Variants in TNFAIP8 observed in about 807,000 individuals in gnomAD.
TNFAIP8 encodes tumor necrosis factor alpha-induced protein 8.
In TNFAIP8, 7 loss-of-function variants were observed where a neutral mutation model predicts 13.3. The ratio of observed to expected loss-of-function variants is 0.52; its 90% CI spans 0.30 to 0.99. The LOEUF (loss-of-function observed/expected upper bound fraction) is 0.99, where lower values mean the gene tolerates loss of function less well. TNFAIP8 is among the 50% of genes least tolerant of loss of function. The pLI, the probability that TNFAIP8 is intolerant of heterozygous loss-of-function variation, is 0.07. For synonymous variants in TNFAIP8, 94 were observed against 87.6 expected (o/e 1.07, Z -0.41); for missense variants, 258 against 236.9 (o/e 1.09, Z -0.58).
intron 1 of TNFAIP8, among the ~76,000 whole-genome samples, chr5:119,344,817 G>T (rs1750847426): frequency 6.6e-6 from 1 of 152,172 alleles, no homozygotes; most frequent in Admixed American, 6.5e-5. Flanking sequence ...GTAGCCCCCA[G>T]TGCCTAAGTG....
Position 119,287,520 on chromosome 5 carries a change from A to G in TNFAIP8, c.1+18613A>G, listed in dbSNP as rs115565531. Among the ~76,000 whole-genome samples, 746 of 152,210 alleles carry G rather than the reference A, an allele frequency of 4.9e-3. 7 individuals carry two copies. Among genetic ancestry groups the G allele is most frequent in the African/African-American group, 0.017 (704 of 41,542 alleles). ...AGTAAACAATACAGAATTATTAACT[A>G]TAGTCGCCGTGCTGTATATTAGATC... On this transcript the variant is annotated intron_variant, in intron 1 of 1. Transcript: ENST00000274456.
chr5:119,326,663 A>G (rs1471607117), intron 1 of TNFAIP8, among the ~76,000 whole-genome samples: 1 of 152,160 alleles, frequency 6.6e-6, no homozygotes, highest in Non-Finnish European at 1.5e-5. Flanking sequence ...GCTTTGAGAA[A>G]ATGTATCATG....
chr5:119,353,340 A>C (rs1050324834), upstream of TNFAIP8, among the ~76,000 whole-genome samples: 1 of 152,238 alleles, frequency 6.6e-6, no homozygotes, highest in Non-Finnish European at 1.5e-5. Context: ...AGAGCAGCAG[A>C]AGGCCAAGGG....
At chr5:119,360,726 C>G (rs569074713) in intron 1 of TNFAIP8, among the ~76,000 whole-genome samples, 1 of 152,192 alleles carries the variant, frequency 6.6e-6, no homozygotes, top group South Asian at 2.1e-4. Flanking sequence ...TTTGTATGCA[C>G]TCTCCTTGAA....
At chr5:119,371,819 C>T (rs1383629509) in intron 1 of TNFAIP8, among the ~76,000 whole-genome samples, 3 of 152,026 alleles carry the variant, frequency 2.0e-5, no homozygotes, top group Non-Finnish European at 2.9e-5. Flanking sequence ...TCCAAGAGTT[C>T]GAGACCAGCC....
intron 1 of TNFAIP8, among the ~76,000 whole-genome samples, chr5:119,282,212 G>C (rs1748652788): frequency 6.6e-6 from 1 of 152,172 alleles, no homozygotes; most frequent in South Asian, 2.1e-4. Flanking sequence ...TCTTGACCCA[G>C]AATAAGCCAC....
intron 1 of TNFAIP8, among the ~76,000 whole-genome samples, chr5:119,295,097 T>C (rs1208275213): frequency 6.6e-6 from 1 of 152,028 alleles, no homozygotes; most frequent in Non-Finnish European, 1.5e-5. Flanking sequence ...TTTGGTGTTT[T>C]AGACATGAAG....
chr5:119,279,751 G>C (rs1748572163), intron 1 of TNFAIP8, among the ~76,000 whole-genome samples: 1 of 152,086 alleles, frequency 6.6e-6, no homozygotes, highest in South Asian at 2.1e-4. Context: ...CCAACTCTAG[G>C]AAGTCATTTT....
chr5:119,287,889 A>G (rs1748852001), intron 1 of TNFAIP8, among the ~76,000 whole-genome samples: 1 of 152,170 alleles, frequency 6.6e-6, no homozygotes. Context: ...TTGTGGCTTT[A>G]CTAACCCTGA....
intron 1 of TNFAIP8, among the ~76,000 whole-genome samples, chr5:119,324,496 C>G (rs1359444280): frequency 6.6e-6 from 1 of 151,928 alleles, no homozygotes; most frequent in Non-Finnish European, 1.5e-5. Context: ...ACACTTCCTG[C>G]CCCAAGTTCT....
intron 1 of TNFAIP8, among the ~76,000 whole-genome samples, chr5:119,332,090 G>A (rs1361708273): frequency 6.6e-6 from 1 of 152,160 alleles, no homozygotes; most frequent in Non-Finnish European, 1.5e-5. Flanking sequence ...ATCGCTATGA[G>A]TTAGTCACAT....
intron 1 of TNFAIP8, among the ~76,000 whole-genome samples, chr5:119,362,092 C>A (rs1486842031): frequency 1.3e-5 from 2 of 152,190 alleles, no homozygotes; most frequent in Non-Finnish European, 2.9e-5. Context: ...CTCAGAGGAT[C>A]AGACAGTGGA....
At position 119,393,338 on chromosome 5, in the gene TNFAIP8, T is replaced by C; in HGVS notation, c.554T>C (p.Leu185Pro). 6.2e-7 allele frequency: 1 copy of C among 1,613,936 alleles called. No individual in the cohort carries two copies. Among genetic ancestry groups the C allele is most frequent in the Non-Finnish European group, 8.5e-7 (1 of 1,179,822 alleles). The change falls in exon 2 of 2, where the codon CTA becomes CCA. Residue 185 changes from leucine (L) to proline (P), a missense_variant. Leu to Pro is a moderately conservative substitution (Grantham distance 98). Transcript: ENST00000504771. ...AATTTTAAACCCCACTTACAAAAACTATGTGATGGTATCAACAAAATGTTG... is the reference window on the plus strand; with the variant it reads ...AATTTTAAACCCCACTTACAAAAACCATGTGATGGTATCAACAAAATGTTG... ...FGNFKPHLQK[L>P]CDGINKMLDE...
At chr5:119,294,959 A>G (rs1412333673) in intron 1 of TNFAIP8, among the ~76,000 whole-genome samples, 1 of 151,846 alleles carries the variant, frequency 6.6e-6, no homozygotes, top group African/African-American at 2.4e-5. Context: ...TCAGATGAGT[A>G]GGTTGCGAAA....
chr5:119,337,174 C>T (rs1025612060), intron 1 of TNFAIP8, among the ~76,000 whole-genome samples: 1 of 152,218 alleles, frequency 6.6e-6, no homozygotes, highest in African/African-American at 2.4e-5. Context: ...TCTCTTGCCT[C>T]ATTCTTTCCC....
intron 1 of TNFAIP8, among the ~76,000 whole-genome samples, chr5:119,300,508 A>G (rs1216962606): frequency 6.6e-6 from 1 of 152,210 alleles, no homozygotes; most frequent in Non-Finnish European, 1.5e-5. Flanking sequence ...TAGAAACGAT[A>G]TTGCATTCCT....
chr5:119,299,054 T>G (rs1167668248), intron 1 of TNFAIP8, among the ~76,000 whole-genome samples: 2 of 152,234 alleles, frequency 1.3e-5, no homozygotes, highest in Non-Finnish European at 2.9e-5. Flanking sequence ...TGGTTTGAAT[T>G]TCCTCCTGTA....
chr5:119,331,701 A>T (rs1470700479), intron 1 of TNFAIP8, among the ~76,000 whole-genome samples: 1 of 152,130 alleles, frequency 6.6e-6, no homozygotes, highest in Non-Finnish European at 1.5e-5. Context: ...GGACTGCAGG[A>T]TTCTTCCTCC....
intron 1 of TNFAIP8, among the ~76,000 whole-genome samples, chr5:119,322,526 G>T (rs975130581): frequency 6.6e-6 from 1 of 152,182 alleles, no homozygotes; most frequent in Non-Finnish European, 1.5e-5. Flanking sequence ...GCAGCCTCTG[G>T]CATTTTAATG....
Sources: allele counts gnomAD v4.1 joint callset (sites outside exome capture counted in the v4.1 genomes callset), GRCh38; gene constraint gnomAD v4.1.1; transcripts MANE v1.5; gene names NCBI Gene and HGNC (gene_info 2026-07-23, HGNC 2026-07-21).